FGFR4: variants seen among roughly 807,000 people sequenced by gnomAD.
FGFR4 encodes fibroblast growth factor receptor 4.
In FGFR4, 63 loss-of-function variants were observed where a neutral mutation model predicts 89.9. That is an observed-to-expected ratio of 0.70 (90% CI 0.57 to 0.86). FGFR4 has a LOEUF of 0.86. Ranked by LOEUF, FGFR4 falls within the 40% of genes least tolerant of loss-of-function variation. The probability of loss-of-function intolerance (pLI) is 0.00; values close to 1 mark genes in which losing one functional copy is unlikely to be tolerated. For synonymous variants in FGFR4, 486 were observed against 479.4 expected (o/e 1.01, Z -0.18); for missense variants, 928 against 1,106.7 (o/e 0.84, Z 2.29).
chr5:177,095,990 T>TG lies in FGFR4; in HGVS notation c.1822-61dup. ...GGAGGGCCCCTGCCCCCGGGCCTGC[T>TG]GGGGGGTGGTGTGTGCTCAACTCCA... On this transcript the variant is annotated intron_variant, in intron 13 of 17. Coordinates refer to ENST00000292408, the MANE Select transcript of FGFR4 (RefSeq NM_213647.3). The surrounding 1 kb of genome is among the most constrained non-coding windows in gnomAD (Gnocchi z 5.7). The TG allele has an allele frequency of 1.3e-6, 2 of 1,565,852 alleles. No individual in the cohort carries two copies. Among genetic ancestry groups the TG allele is most frequent in the Admixed American group, 1.8e-5 (1 of 54,714 alleles).
Position 177,095,551 on chromosome 5 carries a change from T to TGGAGTGC in FGFR4, c.1651_1657dup (p.Ala553GlyfsTer31). 1 of 1,610,550 alleles carries TGGAGTGC rather than the reference T, an allele frequency of 6.2e-7. No homozygotes were observed. ...TCTGCAGGGCCCCTGTACGTGATCGTGGAGTGCGCCGCCAAGGGAAACCTG... is the reference window on the plus strand; with the variant it reads ...TCTGCAGGGCCCCTGTACGTGATCGTGGAGTGCGGAGTGCGCCGCCAAGGGAAACCTG... On this transcript the variant is annotated frameshift_variant, in exon 13 of 18. Transcript: ENST00000292408. LOFTEE classifies it high-confidence loss of function. The surrounding 1 kb of genome is among the most constrained non-coding windows in gnomAD (Gnocchi z 5.7).
chr5:177,091,776 G>T lies in FGFR4; in HGVS notation c.695G>T (p.Ser232Ile). The T allele has an allele frequency of 6.2e-7, 1 of 1,614,206 alleles. No individual in the cohort carries two copies. Among genetic ancestry groups the T allele is most frequent in the South Asian group, 1.1e-5 (1 of 91,086 alleles). Residue 232 changes from serine to isoleucine, a missense_variant, in exon 6 of 18, where the codon AGC becomes ATC. Ser to Ile is a moderately radical substitution (Grantham distance 142). Coordinates refer to ENST00000292408, the MANE Select transcript of FGFR4 (RefSeq NM_213647.3). ...TGCCTGGTAGAGAACGCTGTGGGCA[G>T]CATCCGCTATAACTACCTGCTAGAT... ...YTCLVENAVG[S>I]IRYNYLLDVL...
At chr5:177,090,039 A>T (rs1423059583) in intron 2 of FGFR4, 1 of 660,004 alleles carries the variant, frequency 1.5e-6, no homozygotes, top group Non-Finnish European at 2.8e-6. Context: ...TATAAGCATT[A>T]TGAGGGTGAT....
rs1329650358 is a variant in FGFR4, at chr5:177,087,127, G to A, written c.-54+50G>A. Reference sequence around the variant, plus strand: ...GGGCTGCGCTCCCAGCCGCCAGGGGGCGAGAGGCGGCGGGGCTACGGGGAC... The same window carrying A: ...GGGCTGCGCTCCCAGCCGCCAGGGGACGAGAGGCGGCGGGGCTACGGGGAC... On this transcript the variant is annotated intron_variant, in intron 1 of 17. Transcript: ENST00000292408. This position sits in a 1 kb window ranked among gnomAD's most constrained non-coding sequence, Gnocchi z 6.1. The A allele has an allele frequency of 6.6e-6, 1 of 152,206 alleles. No homozygotes were observed. The highest frequency in any genetic ancestry group is 2.4e-5 in the African/African-American group (1 of 41,408). The allele number at this position is 152,206 out of a possible 1,614,324, so 9.4% of individuals were successfully genotyped here.
At chr5:177,089,360 A>G (rs1424581336) in intron 1 of FGFR4, among the ~76,000 whole-genome samples, 190 bp from the exon 2 acceptor site, 1 of 152,118 alleles carries the variant, frequency 6.6e-6, no homozygotes, top group Non-Finnish European at 1.5e-5. Context: ...CCCTTGCACA[A>G]CCTACCGTGG....
rs1045752690 is a variant in FGFR4 at position 177,097,646 on chromosome 5, C to T, written c.2379C>T (p.Ser793=). ...SHDPLPLGSS[S]FPFGSGVQT is the part of the protein sequence containing the mutation. ...ACCCCCTGCCATTGGGATCCAGCTC[C>T]TTCCCCTTCGGGTCTGGGGTGCAGA... Residue 793 remains serine (S), a synonymous_variant, in exon 18 of 18, where the codon TCC becomes TCT. Coordinates refer to ENST00000292408, the MANE Select transcript of FGFR4 (RefSeq NM_213647.3). The T allele has an allele frequency of 8.7e-6, 14 of 1,614,228 alleles. No individual in the cohort carries two copies. Among genetic ancestry groups the T allele is most frequent in the South Asian group, 1.1e-5 (1 of 91,088 alleles).
At chr5:177,089,775 G>A in intron 2 of FGFR4, 82 bp downstream of exon 2, 2 of 1,546,488 alleles carry the variant, frequency 1.3e-6, no homozygotes, top group Non-Finnish European at 1.8e-6. Flanking sequence ...AGCAAAGCTG[G>A]AAAGGATCCT....
chr5:177,090,771 G>GT lies in FGFR4; in HGVS notation c.382_383insT (p.Glu128ValfsTer7). 1 of 1,610,958 alleles carries GT rather than the reference G, an allele frequency of 6.2e-7. No homozygotes were observed. The highest frequency in any genetic ancestry group is 2.2e-5 in the East Asian group (1 of 44,786). ...CTCCTTGACCTCCAGCAACGATGAT[G>GT]AGGACCCCAAGTCCCATAGGGACCC... On this transcript the variant is annotated frameshift_variant, in exon 4 of 18. Coordinates refer to ENST00000292408, the MANE Select transcript of FGFR4 (RefSeq NM_213647.3). LOFTEE classifies it high-confidence loss of function.
At position 177,093,032 on chromosome 5, in the gene FGFR4, C is replaced by T. The variant is rs2149734735; in HGVS notation, c.1058-106C>T. ...TAACTACAGCTTCCTCCGTGTGTGTCCCCACATATGTTGGGAGCTGGGAGG... is the reference window on the plus strand; with the variant it reads ...TAACTACAGCTTCCTCCGTGTGTGTTCCCACATATGTTGGGAGCTGGGAGG... On this transcript the variant is annotated intron_variant, in intron 8 of 17. Coordinates refer to ENST00000292408, the MANE Select transcript of FGFR4 (RefSeq NM_213647.3). This position sits in a 1 kb window ranked among gnomAD's most constrained non-coding sequence, Gnocchi z 5.8. 2.0e-6 allele frequency: 3 copies of T among 1,468,976 alleles called. No homozygotes were observed. Among genetic ancestry groups the T allele is most frequent in the Admixed American group, 1.8e-5 (1 of 56,298 alleles). The allele number at this position is 1,468,976 out of a possible 1,614,324, so 91.0% of individuals were successfully genotyped here. A position where few individuals can be genotyped will look rare whatever the true frequency, so the allele number is the denominator to read the frequency against.
chr5:177,087,102 G>A lies in FGFR4; in HGVS notation c.-54+25G>A, dbSNP rs1784172396. 1 of 152,068 alleles carries A rather than the reference G, an allele frequency of 6.6e-6. No homozygotes were observed. The highest frequency in any genetic ancestry group is 2.4e-5 in the African/African-American group (1 of 41,338). The allele number at this position is 152,068 out of a possible 1,614,324, so 9.4% of individuals were successfully genotyped here. A position where few individuals can be genotyped will look rare whatever the true frequency, so the allele number is the denominator to read the frequency against. On this transcript the variant is annotated intron_variant, in intron 1 of 17. Transcript: ENST00000292408. The surrounding 1 kb of genome is among the most constrained non-coding windows in gnomAD (Gnocchi z 6.1). ...GGTGAGCCGGAACCCTTGTGGGCCCGGGCTGCGCTCCCAGCCGCCAGGGGG... is the reference window on the plus strand; with the variant it reads ...GGTGAGCCGGAACCCTTGTGGGCCCAGGCTGCGCTCCCAGCCGCCAGGGGG...
In FGFR4 at chr5:177,093,317, C is replaced by G. The variant is rs965587225; in HGVS notation, c.1237C>G (p.Pro413Ala). The G allele has an allele frequency of 6.2e-7, 1 of 1,613,866 alleles. No individual in the cohort carries two copies. The highest frequency in any genetic ancestry group is 2.2e-5 in the East Asian group (1 of 44,874). The change falls in exon 9 of 18, where the codon CCT becomes GCT. Residue 413 changes from proline (P) to alanine (A), a missense_variant. Pro to Ala is a conservative substitution (Grantham distance 27). Transcript: ENST00000292408. The surrounding 1 kb of genome is among the most constrained non-coding windows in gnomAD (Gnocchi z 5.8). ...CACTGTGCAGAAGCTCTCCCGCTTC[C>G]CTCTGGCCCGACAGGTACTGGGCGC... ...PATVQKLSRF[P>A]LARQFSLESG...
At position 177,093,312 on chromosome 5, in the gene FGFR4, G is replaced by A. The variant is rs371352765; in HGVS notation, c.1232G>A (p.Arg411His). ...CCCGCCACTGTGCAGAAGCTCTCCC[G>A]CTTCCCTCTGGCCCGACAGGTACTG... Reference protein sequence around the residue: ...RPPATVQKLSRFPLARQFSLE... With the variant: ...RPPATVQKLSHFPLARQFSLE... Residue 411 changes from arginine (R) to histidine (H), a missense_variant, in exon 9 of 18, where the codon CGC becomes CAC. Around this residue, in one of 5 missense-constraint regions of FGFR4, gnomAD observed 741 missense variants for 836.9 expected, o/e 0.89. Coordinates refer to ENST00000292408, the MANE Select transcript of FGFR4 (RefSeq NM_213647.3). The surrounding 1 kb of genome is among the most constrained non-coding windows in gnomAD (Gnocchi z 5.8). 81 of 662,678 alleles carry A rather than the reference G, an allele frequency of 1.2e-4. No individual in the cohort carries two copies. Among genetic ancestry groups the A allele is most frequent in the Middle Eastern group, 2.9e-4 (1 of 3,480 alleles). 41.0% of individuals were successfully genotyped at this position (662,678 alleles called of 1,614,324 possible). A position where few individuals can be genotyped will look rare whatever the true frequency, so the allele number is the denominator to read the frequency against.
chr5:177,093,408 C>G lies in FGFR4; in HGVS notation c.1254C>G (p.Phe418Leu). 2 of 1,614,118 alleles carry G rather than the reference C, an allele frequency of 1.2e-6. No individual in the cohort carries two copies. The highest frequency in any genetic ancestry group is 2.2e-5 in the South Asian group (2 of 91,088). ...GAACCAAGTCTCCCACTTTGCAGTT[C>G]TCCCTGGAGTCAGGCTCTTCCGGCA... Reference protein sequence around the residue: ...KLSRFPLARQFSLESGSSGKS... With the variant: ...KLSRFPLARQLSLESGSSGKS... The change falls in exon 10 of 18, where the codon TTC becomes TTG. Residue 418 changes from phenylalanine (F) to leucine (L), a missense_variant and splice_region_variant. By Grantham distance (22) the Phe-to-Leu change is conservative. Coordinates refer to ENST00000292408, the MANE Select transcript of FGFR4 (RefSeq NM_213647.3). This position sits in a 1 kb window ranked among gnomAD's most constrained non-coding sequence, Gnocchi z 5.8.
rs1270860531 is a variant in FGFR4, at chr5:177,095,730, G to A, written c.1821+7G>A. The A allele has an allele frequency of 1.3e-6, 2 of 1,582,000 alleles. No individual in the cohort carries two copies. Among genetic ancestry groups the A allele is most frequent in the Non-Finnish European group, 1.7e-6 (2 of 1,166,286 alleles). On this transcript the variant is annotated splice_region_variant and intron_variant, in intron 13 of 17. Coordinates refer to ENST00000292408, the MANE Select transcript of FGFR4 (RefSeq NM_213647.3). This position sits in a 1 kb window ranked among gnomAD's most constrained non-coding sequence, Gnocchi z 5.7. ...GTATCTGGAGTCCCGGAAGGTACAG[G>A]CGCTAGGGCTCTGAGCCCCTCTCAG...
At position 177,090,298 on chromosome 5, in the gene FGFR4, T is replaced by G. The variant is rs765149349; in HGVS notation, c.92-92T>G. On this transcript the variant is annotated intron_variant, in intron 2 of 17. Transcript: ENST00000292408. ...TCCTTCAGCATGCGTTGCAAAGTGC[T>G]TGTGCCCTGCATGTGCGGTGTGTTC... The G allele has an allele frequency of 3.2e-6, 5 of 1,580,394 alleles. No homozygotes were observed. The South Asian group carries it at 5.6e-5, about 18-fold the overall frequency.
Position 177,093,324 on chromosome 5 carries a change from C to T in FGFR4, c.1244C>T (p.Ala415Val), listed in dbSNP as rs1784436572. The T allele has an allele frequency of 6.4e-7, 1 of 1,568,764 alleles. No homozygotes were observed. Among genetic ancestry groups the T allele is most frequent in the Non-Finnish European group, 8.7e-7 (1 of 1,152,574 alleles). ...CAGAAGCTCTCCCGCTTCCCTCTGG[C>T]CCGACAGGTACTGGGCGCATCCCCC... is the stretch of plus-strand genomic sequence containing the variant. ...TVQKLSRFPL[A>V]RQFSLESGSS... Residue 415 changes from alanine (A) to valine (V), a missense_variant, in exon 9 of 18, where the codon GCC (alanine) becomes GTC (valine). Coordinates refer to ENST00000292408, the MANE Select transcript of FGFR4 (RefSeq NM_213647.3). This position sits in a 1 kb window ranked among gnomAD's most constrained non-coding sequence, Gnocchi z 5.8.
chr5:177,089,579 G>A lies in FGFR4; in HGVS notation c.-24G>A, dbSNP rs766470251. The A allele has an allele frequency of 5.0e-6, 8 of 1,607,528 alleles. No homozygotes were observed. Among genetic ancestry groups the A allele is most frequent in the Non-Finnish European group, 6.8e-6 (8 of 1,176,850 alleles). ...GCAGTTGGTGGGAAGTCCAGCTTGGGTCCCTGAGAGCTGTGAGAAGGAGAT... is the reference window on the plus strand; with the variant it reads ...GCAGTTGGTGGGAAGTCCAGCTTGGATCCCTGAGAGCTGTGAGAAGGAGAT... On this transcript the variant is annotated 5_prime_UTR_variant, in exon 2 of 18. Coordinates refer to ENST00000292408, the MANE Select transcript of FGFR4 (RefSeq NM_213647.3).
In FGFR4 at chr5:177,095,146, T is replaced by G. The variant is rs1042120976; in HGVS notation, c.1520-184T>G. On this transcript the variant is annotated intron_variant, in intron 11 of 17. Transcript: ENST00000292408. This position sits in a 1 kb window ranked among gnomAD's most constrained non-coding sequence, Gnocchi z 5.7. ...GCAGGGTGTGACCCACTGCTCTGTTTCCCACAAGACGAACCTGAGGTTCAG... is the reference window on the plus strand; with the variant it reads ...GCAGGGTGTGACCCACTGCTCTGTTGCCCACAAGACGAACCTGAGGTTCAG... The G allele has an allele frequency of 1.6e-6, 1 of 609,238 alleles. No individual in the cohort carries two copies. Among genetic ancestry groups the G allele is most frequent in the Non-Finnish European group, 3.0e-6 (1 of 335,148 alleles). 37.7% of individuals were successfully genotyped at this position (609,238 alleles called of 1,614,324 possible).
intron 11 of FGFR4, chr5:177,094,849 C>G (rs1043900963): frequency 5.6e-6 from 1 of 177,220 alleles, no homozygotes; most frequent in African/African-American, 2.4e-5. Flanking sequence ...CCCAAGCTCC[C>G]CGGCTGCACC....
Sources: allele counts gnomAD v4.1 joint callset (sites outside exome capture counted in the v4.1 genomes callset), GRCh38; gene constraint gnomAD v4.1.1; regional missense constraint gnomAD v4.1.1; non-coding constraint Gnocchi (gnomAD v3.1); transcripts MANE v1.5; gene names NCBI Gene and HGNC (gene_info 2026-07-23, HGNC 2026-07-21).